Variants in CNOT8 observed in about 807,000 individuals in gnomAD.
CNOT8 encodes CAF1-like protein.
Under a neutral mutation model 34.6 loss-of-function variants are expected in CNOT8, and 18 were observed. The observed-to-expected ratio is 0.52, with a 90% CI of 0.36 to 0.77. The LOEUF (loss-of-function observed/expected upper bound fraction) is 0.77, where lower values mean the gene tolerates loss of function less well. Ranked by LOEUF, CNOT8 falls within the 30% of genes least tolerant of loss-of-function variation. CNOT8 has a pLI of 0.00. For synonymous variants in CNOT8, 101 were observed against 118.8 expected (o/e 0.85, Z 0.98); for missense variants, 189 against 347.9 (o/e 0.54, Z 3.63).
At position 154,876,529 on chromosome 5, in the gene CNOT8, A is replaced by C. The variant is rs3734080; in HGVS notation, c.*1090A>C. On this transcript the variant is annotated 3_prime_UTR_variant, in exon 7 of 7. Transcript: ENST00000285896. ...GCTCAGGACTTTTTTCTTTAAAGCT[A>C]GTCATTTCAAAAGCATATTGTATTT... The C allele has an allele frequency of 4.0e-3, 603 of 152,622 alleles. 16 individuals are homozygous for C. In the East Asian group the frequency reaches 0.052, roughly 13 times the overall value. The allele number at this position is 152,622 out of a possible 1,614,324, so 9.5% of individuals were successfully genotyped here.
At chr5:154,869,836 G>A (rs1762295346) in intron 3 of CNOT8, among the ~76,000 whole-genome samples, 1 of 152,012 alleles carries the variant, frequency 6.6e-6, no homozygotes, top group Non-Finnish European at 1.5e-5. Context: ...CGTTGGCCAG[G>A]ATGGTCTTGA....
rs1395094742 is a variant in CNOT8, at chr5:154,876,530, G to A, written c.*1091G>A. On this transcript the variant is annotated 3_prime_UTR_variant, in exon 7 of 7. Coordinates refer to ENST00000285896, the MANE Select transcript of CNOT8 (RefSeq NM_001301073.2). ...CTCAGGACTTTTTTCTTTAAAGCTA[G>A]TCATTTCAAAAGCATATTGTATTTT... The A allele has an allele frequency of 2.6e-5, 4 of 152,440 alleles. No individual in the cohort carries two copies. The highest frequency in any genetic ancestry group is 9.7e-5 in the African/African-American group (4 of 41,436). The allele number at this position is 152,440 out of a possible 1,614,324, so 9.4% of individuals were successfully genotyped here. A position where few individuals can be genotyped will look rare whatever the true frequency, so the allele number is the denominator to read the frequency against.
At position 154,863,203 on chromosome 5, in the gene CNOT8, C is replaced by G. The variant is rs752423945; in HGVS notation, c.-72-4C>G. ...ACATGATTTTAAAATGTTTTACAAT[C>G]TAGATCAGACCAAACATTGTCTGGC... On this transcript the variant is annotated splice_region_variant and splice_polypyrimidine_tract_variant and intron_variant, in intron 1 of 6. Transcript: ENST00000285896. The G allele has an allele frequency of 5.2e-6, 5 of 964,210 alleles. No individual in the cohort carries two copies. The highest frequency in any genetic ancestry group is 8.5e-6 in the Non-Finnish European group (5 of 589,974). 59.7% of individuals were successfully genotyped at this position (964,210 alleles called of 1,614,324 possible). A position where few individuals can be genotyped will look rare whatever the true frequency, so the allele number is the denominator to read the frequency against.
chr5:154,868,184 G>T (rs954120154), intron 3 of CNOT8, among the ~76,000 whole-genome samples: 1 of 150,768 alleles, frequency 6.6e-6, no homozygotes, highest in Admixed American at 6.6e-5. Flanking sequence ...TGATCCGCCC[G>T]CCTTGGCCTC....
At chr5:154,874,853 T>G (rs1277467357) in intron 6 of CNOT8, among the ~76,000 whole-genome samples, 2 of 151,268 alleles carry the variant, frequency 1.3e-5, no homozygotes, top group Non-Finnish European at 2.9e-5. Flanking sequence ...ATACTATTAG[T>G]TTTTTTTTCT....
chr5:154,872,018 T>TG (rs1561691956), intron 5 of CNOT8, 144 bp downstream of exon 5: 2 of 687,618 alleles, frequency 2.9e-6, no homozygotes, highest in Non-Finnish European at 4.7e-6. Flanking sequence ...AAAGCTGATT[T>TG]GGTCAGATAT....
intron 1 of CNOT8, among the ~76,000 whole-genome samples, chr5:154,862,580 CTG>C (rs1761455970): frequency 6.6e-6 from 1 of 152,192 alleles, no homozygotes; most frequent in Non-Finnish European, 1.5e-5. Context: ...ACTTCATGCT[CTG>C]TTTGCACAAA....
At chr5:154,872,955 GAC>G (rs1762614622) in intron 6 of CNOT8, among the ~76,000 whole-genome samples, 2 of 152,182 alleles carry the variant, frequency 1.3e-5, no homozygotes, top group Non-Finnish European at 2.9e-5. Context: ...TTTTAGTAGA[GAC>G]AGGGTTTCGC....
At chr5:154,863,426 T>C (rs1761542349) in intron 2 of CNOT8, 31 bp downstream of exon 2, 1 of 1,514,114 alleles carries the variant, frequency 6.6e-7, no homozygotes, top group Non-Finnish European at 9.2e-7. Flanking sequence ...TCACCTTCTT[T>C]GTCACTTTTA....
At chr5:154,858,963 G>T (rs1363664133) in intron 1 of CNOT8, 195 bp downstream of exon 1, 1 of 152,004 alleles carries the variant, frequency 6.6e-6, no homozygotes, top group African/African-American at 2.4e-5. Flanking sequence ...TATGTGCGGG[G>T]ACTTTACAAA....
At position 154,876,407 on chromosome 5, in the gene CNOT8, G is replaced by GTCTT. The variant is rs1323068550; in HGVS notation, c.*970_*973dup. ...GGATTAATGTGAGTAACAGGAATGT[G>GTCTT]TCTTTAAAAAGCTAGAGTGGTTACA... On this transcript the variant is annotated 3_prime_UTR_variant, in exon 7 of 7. Coordinates refer to ENST00000285896, the MANE Select transcript of CNOT8 (RefSeq NM_001301073.2). 1.3e-5 allele frequency: 2 copies of GTCTT among 152,196 alleles called. No individual in the cohort carries two copies. Among genetic ancestry groups the GTCTT allele is most frequent in the African/African-American group, 4.8e-5 (2 of 41,450 alleles). 9.4% of individuals were successfully genotyped at this position (152,196 alleles called of 1,614,324 possible).
chr5:154,866,079 A>T (rs1220813624), intron 3 of CNOT8, among the ~76,000 whole-genome samples: 2 of 152,144 alleles, frequency 1.3e-5, no homozygotes, highest in Non-Finnish European at 2.9e-5. Flanking sequence ...CATTTTGCTG[A>T]TTGCATAAAA....
chr5:154,869,991 C>T (rs961930138), intron 3 of CNOT8, among the ~76,000 whole-genome samples: 2 of 152,188 alleles, frequency 1.3e-5, no homozygotes, highest in African/African-American at 4.8e-5. Flanking sequence ...CTCTGGGCCT[C>T]AAGTGATCTG....
intron 1 of CNOT8, among the ~76,000 whole-genome samples, chr5:154,862,162 T>C (rs988877071): frequency 1.3e-5 from 2 of 152,236 alleles, no homozygotes; most frequent in South Asian, 4.1e-4. Flanking sequence ...GGTTGAATGA[T>C]TTACACCAGC....
At chr5:154,864,440 A>G (rs1407214164) in intron 2 of CNOT8, among the ~76,000 whole-genome samples, 1 of 151,806 alleles carries the variant, frequency 6.6e-6, no homozygotes, top group Non-Finnish European at 1.5e-5. Context: ...CTTGGGGGAC[A>G]GAGCGAGACT....
intron 5 of CNOT8, 76 bp from the exon 6 acceptor site, chr5:154,872,465 C>T (rs886655812): frequency 1.2e-6 from 1 of 833,240 alleles, no homozygotes; most frequent in African/African-American, 1.7e-5. Flanking sequence ...TCAGTGAACT[C>T]ATAACTGCAC....
At chr5:154,872,035 G>GGT (rs1762526962) in intron 5 of CNOT8, among the ~76,000 whole-genome samples, 161 bp downstream of exon 5, 1 of 152,130 alleles carries the variant, frequency 6.6e-6, no homozygotes, top group Non-Finnish European at 1.5e-5. Flanking sequence ...ATATTTGTGT[G>GGT]GTAACGATCT....
chr5:154,867,058 G>T (rs879269336), intron 3 of CNOT8, among the ~76,000 whole-genome samples: 1 of 152,180 alleles, frequency 6.6e-6, no homozygotes, highest in Non-Finnish European at 1.5e-5. Context: ...AGATTGCAGT[G>T]GTTTTCTTAT....
In CNOT8 at chr5:154,870,872, G is replaced by A. The variant is rs1328745416; in HGVS notation, c.473+50G>A. On this transcript the variant is annotated intron_variant, in intron 4 of 6. Transcript: ENST00000285896. ...CTCTCTCACTTTGGGCTACACTGAA[G>A]CAGGGAATTGAATTCTTAGTCATTT... 2.7e-6 allele frequency: 4 copies of A among 1,490,238 alleles called. No homozygotes were observed. In the East Asian group the frequency reaches 9.5e-5, roughly 35 times the overall value. The allele number at this position is 1,490,238 out of a possible 1,614,324, so 92.3% of individuals were successfully genotyped here.
Sources: allele counts gnomAD v4.1 joint callset (sites outside exome capture counted in the v4.1 genomes callset), GRCh38; gene constraint gnomAD v4.1.1; transcripts MANE v1.5; gene names NCBI Gene and HGNC (gene_info 2026-07-23, HGNC 2026-07-21).